The following ZBTB7C variants were observed in gnomAD, a reference collection of about 807,000 sequenced individuals.
The protein encoded by ZBTB7C is zinc finger and BTB domain-containing protein 7C.
A neutral mutation model predicts 25.7 loss-of-function variants in ZBTB7C; 8 were observed. That is an observed-to-expected ratio of 0.31 (90% CI 0.18 to 0.56). The LOEUF (loss-of-function observed/expected upper bound fraction) is 0.56, where lower values mean the gene tolerates loss of function less well. ZBTB7C is among the 20% of genes least tolerant of loss of function. The pLI, the probability that ZBTB7C is intolerant of heterozygous loss-of-function variation, is 0.91. For synonymous variants in ZBTB7C, 394 were observed against 369.0 expected (o/e 1.07, Z -0.78); for missense variants, 824 against 855.2 (o/e 0.96, Z 0.46).
intron 3 of ZBTB7C, among the ~76,000 whole-genome samples, chr18:48,045,199 C>T (rs757752056): frequency 1.9e-4 from 29 of 152,376 alleles, no homozygotes; most frequent in Non-Finnish European, 4.3e-4. Context: ...AGACTGGAGC[C>T]CTCCAGGCAG....
chr18:48,089,026 A>C (rs932603662), intron 3 of ZBTB7C, among the ~76,000 whole-genome samples: 2 of 152,124 alleles, frequency 1.3e-5, no homozygotes, highest in Non-Finnish European at 2.9e-5. Flanking sequence ...GGCAGTGTGC[A>C]TGCACCCTCC....
chr18:48,209,922 C>T (rs2042664825), intron 2 of ZBTB7C, among the ~76,000 whole-genome samples: 1 of 152,198 alleles, frequency 6.6e-6, no homozygotes, highest in Middle Eastern at 3.4e-3. Context: ...TCATATATAT[C>T]TGATAAGGGA....
At chr18:48,282,301 G>A (rs1412597265) in intron 2 of ZBTB7C, among the ~76,000 whole-genome samples, 3 of 125,242 alleles carry the variant, frequency 2.4e-5, no homozygotes, top group Admixed American at 9.0e-5. Flanking sequence ...TCACACTCTG[G>A]GGCCTGTTGT....
At chr18:48,271,666 CT>C (rs2044490034) in intron 2 of ZBTB7C, among the ~76,000 whole-genome samples, 1 of 151,128 alleles carries the variant, frequency 6.6e-6, no homozygotes, top group African/African-American at 2.4e-5. Context: ...GTAAAATGTT[CT>C]TCAGAAAATG....
intron 3 of ZBTB7C, among the ~76,000 whole-genome samples, chr18:48,152,016 G>C (rs2040694466): frequency 6.6e-6 from 1 of 152,180 alleles, no homozygotes; most frequent in Non-Finnish European, 1.5e-5. Flanking sequence ...AGGATGGGTG[G>C]GACCAGTTGA....
chr18:48,371,605 G>C (rs1420595233), intron 1 of ZBTB7C, among the ~76,000 whole-genome samples: 1 of 152,212 alleles, frequency 6.6e-6, no homozygotes, highest in East Asian at 1.9e-4. Context: ...CTGGGCAGGA[G>C]GACTTCCATG....
At chr18:48,130,811 C>T (rs557868131) in intron 3 of ZBTB7C, among the ~76,000 whole-genome samples, 1 of 152,240 alleles carries the variant, frequency 6.6e-6, no homozygotes, top group Non-Finnish European at 1.5e-5. Flanking sequence ...TCAGACTTCA[C>T]CACAATCACC....
At chr18:48,192,185 A>C (rs1265348135) in intron 2 of ZBTB7C, among the ~76,000 whole-genome samples, 1 of 152,228 alleles carries the variant, frequency 6.6e-6, no homozygotes, top group Non-Finnish European at 1.5e-5. Flanking sequence ...AAAAAACATG[A>C]AAGCAGGTGA....
At chr18:48,139,028 C>T (rs1267773749) in intron 3 of ZBTB7C, among the ~76,000 whole-genome samples, 1 of 152,092 alleles carries the variant, frequency 6.6e-6, no homozygotes, top group African/African-American at 2.4e-5. Context: ...GCATCCAGCA[C>T]CCTGTGGGTG....
chr18:48,161,235 G>A (rs565710751), intron 3 of ZBTB7C, among the ~76,000 whole-genome samples: 3 of 152,110 alleles, frequency 2.0e-5, no homozygotes, highest in South Asian at 2.1e-4. Context: ...GGGGACGGGG[G>A]CAGGGAAAGA....
intron 2 of ZBTB7C, among the ~76,000 whole-genome samples, chr18:48,198,367 C>G (rs2145190757): frequency 6.6e-6 from 1 of 152,338 alleles, no homozygotes; most frequent in East Asian, 1.9e-4. Flanking sequence ...GAGTGCTGCT[C>G]TAACAAATTT....
chr18:48,187,766 A>G (rs6507824), intron 2 of ZBTB7C, among the ~76,000 whole-genome samples: 73,805 of 143,664 alleles, frequency 0.51, 20,674 homozygotes, highest in African/African-American at 0.78. Context: ...GCTTGCAGTG[A>G]GTCGAGATGG....
chr18:48,322,029 C>G (rs2046108254), intron 2 of ZBTB7C, among the ~76,000 whole-genome samples: 1 of 152,196 alleles, frequency 6.6e-6, no homozygotes, highest in Non-Finnish European at 1.5e-5. Flanking sequence ...TCCTTTGATT[C>G]ACACCTGCCT....
intron 2 of ZBTB7C, among the ~76,000 whole-genome samples, chr18:48,239,880 C>CA (rs1320322623): frequency 6.6e-6 from 1 of 151,362 alleles, no homozygotes; most frequent in African/African-American, 2.4e-5. Context: ...TCTGAATTTC[C>CA]AAAAAAAGAA....
At chr18:48,080,326 A>C (rs1039533105) in intron 3 of ZBTB7C, among the ~76,000 whole-genome samples, 1 of 152,130 alleles carries the variant, frequency 6.6e-6, no homozygotes, top group South Asian at 2.1e-4. Flanking sequence ...CCCACAAGCG[A>C]CACGGCATTT....
intron 2 of ZBTB7C, among the ~76,000 whole-genome samples, chr18:48,235,971 C>A (rs1316571812): frequency 6.6e-6 from 1 of 152,062 alleles, no homozygotes; most frequent in Non-Finnish European, 1.5e-5. Flanking sequence ...AATTTTTAAT[C>A]AATTCTGAAA....
chr18:48,284,836 A>G (rs530824687), intron 2 of ZBTB7C, among the ~76,000 whole-genome samples: 32 of 151,744 alleles, frequency 2.1e-4, no homozygotes, highest in African/African-American at 7.5e-4. Context: ...GAGAAGAAAG[A>G]AACATCATCC....
intron 3 of ZBTB7C, among the ~76,000 whole-genome samples, chr18:48,169,198 C>G (rs566586856): frequency 6.6e-6 from 1 of 152,204 alleles, no homozygotes; most frequent in Non-Finnish European, 1.5e-5. Context: ...TGCTCCTGCA[C>G]GCATTGTCCC....
At chr18:48,411,607 T>C (rs532337546), upstream of ZBTB7C, among the ~76,000 whole-genome samples, 2 of 152,382 alleles carry the variant, frequency 1.3e-5, no homozygotes, top group East Asian at 3.9e-4. Context: ...CGGATGCATT[T>C]AGAGAGCACC....
Sources: allele counts gnomAD v4.1 joint callset (sites outside exome capture counted in the v4.1 genomes callset), GRCh38; gene constraint gnomAD v4.1.1; transcripts MANE v1.5; gene names NCBI Gene and HGNC (gene_info 2026-07-23, HGNC 2026-07-21).